Variants in PHACTR1 observed in about 807,000 individuals in gnomAD.
The protein encoded by PHACTR1 is phosphatase and actin regulator 1.
In PHACTR1, 16 loss-of-function variants were observed where a neutral mutation model predicts 69.2. The ratio of observed to expected loss-of-function variants is 0.23; its 90% confidence interval spans 0.16 to 0.35. The LOEUF (loss-of-function observed/expected upper bound fraction) is 0.35, where lower values mean the gene tolerates loss of function less well. Among genes scored for constraint, PHACTR1 ranks in the 10% least tolerant of loss-of-function variants. The probability of loss-of-function intolerance (pLI) is 1.00; values close to 1 mark genes in which losing one functional copy is unlikely to be tolerated. For missense variants in PHACTR1, 510 were observed against 734.7 expected (o/e 0.69, Z 3.54); for synonymous variants, 312 against 284.5 (o/e 1.10, Z -0.97).
At chr6:13,225,946 T>C (rs1431958443) in intron 8 of PHACTR1, among the ~76,000 whole-genome samples, 1 of 152,174 alleles carries the variant, frequency 6.6e-6, no homozygotes, top group African/African-American at 2.4e-5. Context: ...CTTTGCAGGG[T>C]GGGCACCAAG....
chr6:12,933,995 A>G lies in PHACTR1; in HGVS notation c.251-119370A>G, dbSNP rs980824531. On this transcript the variant is annotated intron_variant, in intron 4 of 14. Transcript: ENST00000332995. ...AACAAAGTACCACAAACTACATGACATAAAACAATATCAATTTGCTCTCTG... is the reference window on the plus strand; with the variant it reads ...AACAAAGTACCACAAACTACATGACGTAAAACAATATCAATTTGCTCTCTG... The G allele has an allele frequency of 1.4e-5, 21 of 1,502,350 alleles. 1 individual carries two copies. In the Admixed American group the frequency reaches 2.2e-4, roughly 16 times the overall value. The allele number at this position is 1,502,350 out of a possible 1,614,324, so 93.1% of individuals were successfully genotyped here. A position where few individuals can be genotyped will look rare whatever the true frequency, so the allele number is the denominator to read the frequency against.
intron 4 of PHACTR1, among the ~76,000 whole-genome samples, chr6:12,860,745 C>T (rs1357888176): frequency 6.6e-6 from 1 of 152,112 alleles, no homozygotes; most frequent in Non-Finnish European, 1.5e-5. Flanking sequence ...CTCTAATGAC[C>T]AGTGATGATG....
intron 5 of PHACTR1, among the ~76,000 whole-genome samples, chr6:13,064,389 G>A (rs184604356): frequency 8.6e-5 from 13 of 151,382 alleles, no homozygotes; most frequent in Admixed American, 4.6e-4. Flanking sequence ...GATGCACGAG[G>A]GGAGAAGAAA....
intron 4 of PHACTR1, among the ~76,000 whole-genome samples, chr6:12,786,954 T>C (rs997567736): frequency 1.3e-5 from 2 of 152,196 alleles, no homozygotes; most frequent in Non-Finnish European, 2.9e-5. Context: ...AAATTATAAG[T>C]TTTGTATAAA....
intron 5 of PHACTR1, among the ~76,000 whole-genome samples, chr6:13,092,644 T>TC (rs1345323410): frequency 8.6e-5 from 13 of 151,924 alleles, no homozygotes; most frequent in Non-Finnish European, 1.5e-4. Context: ...TCAGTGGGAG[T>TC]CCTGAGCTTG....
intron 5 of PHACTR1, among the ~76,000 whole-genome samples, chr6:13,057,356 A>G (rs561181270): frequency 1.3e-5 from 2 of 152,348 alleles, no homozygotes; most frequent in South Asian, 2.1e-4. Context: ...TGCTCAGTCT[A>G]TATCATATCC....
At chr6:13,004,109 G>GATTTATT (rs1798491495) in intron 4 of PHACTR1, among the ~76,000 whole-genome samples, 1 of 150,834 alleles carries the variant, frequency 6.6e-6, no homozygotes, top group African/African-American at 2.4e-5. Context: ...TTAATATAAT[G>GATTTATT]ATTTATTTTC....
chr6:13,012,027 G>A (rs900382866), intron 4 of PHACTR1, among the ~76,000 whole-genome samples: 12 of 152,160 alleles, frequency 7.9e-5, no homozygotes, highest in African/African-American at 1.4e-4. Flanking sequence ...AGCAAAAGGG[G>A]GGTGGTTGCT....
chr6:13,225,580 T>C (rs1769487309), intron 8 of PHACTR1, among the ~76,000 whole-genome samples: 2 of 152,178 alleles, frequency 1.3e-5, no homozygotes, highest in Non-Finnish European at 2.9e-5. Flanking sequence ...GTTTCTTATC[T>C]TCCTTTGCAT....
chr6:12,897,942 T>A (rs1784835669), intron 4 of PHACTR1, among the ~76,000 whole-genome samples: 1 of 152,052 alleles, frequency 6.6e-6, no homozygotes. Context: ...TCAACTCCCA[T>A]TTATAAGTGA....
chr6:13,051,122 C>T (rs1015104288), intron 4 of PHACTR1, among the ~76,000 whole-genome samples: 1 of 152,108 alleles, frequency 6.6e-6, no homozygotes, highest in South Asian at 2.1e-4. Context: ...CCGACCCCCC[C>T]ATTCTACCCA....
chr6:12,924,575 C>T (rs918041938), intron 4 of PHACTR1, among the ~76,000 whole-genome samples: 1 of 152,058 alleles, frequency 6.6e-6, no homozygotes, highest in East Asian at 1.9e-4. Flanking sequence ...AAGATCGAGA[C>T]CATCCTGGCT....
At chr6:12,986,425 C>A (rs1326346634) in intron 4 of PHACTR1, among the ~76,000 whole-genome samples, 1 of 152,200 alleles carries the variant, frequency 6.6e-6, no homozygotes, top group Non-Finnish European at 1.5e-5. Flanking sequence ...GCTAGAAACA[C>A]AGCTGACAAG....
intron 5 of PHACTR1, 115 bp downstream of exon 5, chr6:13,053,644 C>A: frequency 1.6e-6 from 2 of 1,267,746 alleles, no homozygotes; most frequent in Non-Finnish European, 2.1e-6. Context: ...AAATATCAAG[C>A]CTTGGAATGG....
intron 4 of PHACTR1, among the ~76,000 whole-genome samples, chr6:12,942,958 C>A (rs1251109403): frequency 6.6e-6 from 1 of 152,204 alleles, no homozygotes; most frequent in Non-Finnish European, 1.5e-5. Context: ...AAGTATTATT[C>A]ATTCCTCAAT....
At chr6:13,202,613 G>A (rs925044060) in intron 7 of PHACTR1, among the ~76,000 whole-genome samples, 1 of 152,106 alleles carries the variant, frequency 6.6e-6, no homozygotes, top group Non-Finnish European at 1.5e-5. Flanking sequence ...AAGTAGCTGG[G>A]ATTACAGGCA....
intron 9 of PHACTR1, among the ~76,000 whole-genome samples, chr6:13,228,832 C>G (rs931457959): frequency 2.0e-5 from 3 of 152,208 alleles, no homozygotes; most frequent in Non-Finnish European, 2.9e-5. Flanking sequence ...TAAGGGGCAA[C>G]GCTGGGGTTT....
intron 4 of PHACTR1, among the ~76,000 whole-genome samples, chr6:12,810,766 G>GTC (rs1774927971): frequency 6.6e-6 from 1 of 152,172 alleles, no homozygotes; most frequent in Admixed American, 6.5e-5. Flanking sequence ...ACCTCCATGT[G>GTC]TCTATCTCCT....
At chr6:13,080,962 T>C (rs1301519903) in intron 5 of PHACTR1, among the ~76,000 whole-genome samples, 1 of 152,056 alleles carries the variant, frequency 6.6e-6, no homozygotes, top group Non-Finnish European at 1.5e-5. Flanking sequence ...TTTGGAAAAA[T>C]ACAGCAAGCA....
Sources: gnomAD v4.1 joint callset for allele counts (sites outside exome capture counted in the v4.1 genomes callset) on GRCh38, gnomAD v4.1.1 for gene constraint, MANE v1.5 for transcripts, NCBI Gene and HGNC (gene_info 2026-07-23, HGNC 2026-07-21) for gene names.